PAH: variants seen among roughly 807,000 people sequenced by gnomAD.
The protein encoded by PAH is phenylalanine-4-hydroxylase.
Under a neutral mutation model 62.0 loss-of-function variants are expected in PAH, and 64 were observed. That is an observed-to-expected ratio of 1.03 (90% CI 0.84 to 1.27). The LOEUF is 1.27. Among genes scored for constraint, PAH ranks in the 50% most tolerant of loss-of-function variants. The pLI, the probability that PAH is intolerant of heterozygous loss-of-function variation, is 0.00. For synonymous variants in PAH, 195 were observed against 196.2 expected, an observed-to-expected ratio of 0.99 and a Z score of 0.05; for missense variants, 579 against 542.8, an observed-to-expected ratio of 1.07 and a Z score of -0.66.
intron 5 of PAH, among the ~76,000 whole-genome samples, chr12:102,860,504 C>CA (rs368784545): frequency 0.64 from 97,242 of 151,164 alleles, 32,685 homozygotes; most frequent in African/African-American, 0.79. Context: ...CATATGGAAC[C>CA]AAAAATAGCC....
chr12:102,864,840 C>T (rs1185432131), intron 5 of PAH, among the ~76,000 whole-genome samples: 3 of 149,038 alleles, frequency 2.0e-5, no homozygotes, highest in Non-Finnish European at 4.4e-5. Context: ...TATATCAGAC[C>T]CTGAAGTAAG....
chr12:102,874,850 G>GCTTTGGAGGA (rs1364508397), intron 4 of PAH, among the ~76,000 whole-genome samples: 1 of 152,220 alleles, frequency 6.6e-6, no homozygotes, highest in African/African-American at 2.4e-5. Flanking sequence ...CAAAGTGACT[G>GCTTTGGAGGA]CTTTGGAGGA....
Position 102,857,844 on chromosome 12 carries a change from C to G in PAH, c.510-2512G>C, listed in dbSNP as rs1875512819. Among the ~76,000 whole-genome samples, 3 of 152,186 alleles carry G rather than the reference C, an allele frequency of 2.0e-5. No individual in the cohort carries two copies. In the South Asian group the frequency reaches 6.2e-4, roughly 32 times the overall value. On this transcript the variant is annotated intron_variant, in intron 5 of 12. Coordinates refer to ENST00000553106, the MANE Select transcript of PAH (RefSeq NM_000277.3). ...AGGAAGCACTAAACATGGAAAGGAA[C>G]AACTGGTACCAGCCACTGCAAAAAC...
chr12:102,846,776 C>T, intron 9 of PAH, 119 bp downstream of exon 9: 1 of 797,994 alleles, frequency 1.3e-6, no homozygotes, highest in Non-Finnish European at 2.2e-6. Flanking sequence ...ATGTAACCCA[C>T]CACATTCTGA....
upstream of PAH, among the ~76,000 whole-genome samples, chr12:102,921,263 A>C (rs1878545401): frequency 6.6e-6 from 1 of 152,182 alleles, no homozygotes; most frequent in African/African-American, 2.4e-5. Context: ...TTTCTCTCAT[A>C]ACTCATGAGT....
In PAH at chr12:102,864,212, A is replaced by G. The variant is rs188792906; in HGVS notation, c.509+2384T>C. 2.1e-3 allele frequency among the ~76,000 whole-genome samples: 318 copies of G among 152,286 alleles called. 2 individuals carry two copies. Among genetic ancestry groups the G allele is most frequent in the African/African-American group, 7.2e-3 (301 of 41,566 alleles). On this transcript the variant is annotated intron_variant, in intron 5 of 12. Coordinates refer to ENST00000553106, the MANE Select transcript of PAH (RefSeq NM_000277.3). ...GGTTTCAATTTTACATAGGGTGTAG[A>G]GAGGGCATGGCTGAGAAGGTGACAT...
At chr12:102,854,952 T>C (rs1296765668) in intron 6 of PAH, 184 bp downstream of exon 6, 1 of 674,662 alleles carries the variant, frequency 1.5e-6, no homozygotes, top group Non-Finnish European at 2.7e-6. Context: ...ATAAACACAG[T>C]AGGGGCTGGA....
chr12:102,947,630 T>A (rs780971538), intron 1 of PAH, among the ~76,000 whole-genome samples: 26 of 151,724 alleles, frequency 1.7e-4, no homozygotes, highest in Non-Finnish European at 2.4e-4. Flanking sequence ...GAGGAGAGAA[T>A]CTCAAGAAGA....
Position 102,873,575 on chromosome 12 carries a change from A to T in PAH, c.441+3887T>A, listed in dbSNP as rs1004708209. 7.1e-4 allele frequency among the ~76,000 whole-genome samples: 108 copies of T among 152,228 alleles called. 3 individuals are homozygous for T. Among genetic ancestry groups the T allele is most frequent in the Non-Finnish European group, 2.8e-4 (19 of 68,042 alleles). ...AGACTCAGATCTTCCTCTTTCTAGAAGTCCTCCCTAACCATTCCAGTACAC... is the reference window on the plus strand; with the variant it reads ...AGACTCAGATCTTCCTCTTTCTAGATGTCCTCCCTAACCATTCCAGTACAC... On this transcript the variant is annotated intron_variant, in intron 4 of 12. Transcript: ENST00000553106.
intron 1 of PAH, chr12:102,946,126 T>G (rs1360210469): frequency 6.6e-6 from 1 of 152,228 alleles, no homozygotes; most frequent in African/African-American, 2.4e-5. Flanking sequence ...GAGCTGATAT[T>G]CAAGTTGCAA....
chr12:102,926,893 G>A (rs2136744126), intron 1 of PAH, among the ~76,000 whole-genome samples: 1 of 148,194 alleles, frequency 6.7e-6, no homozygotes, highest in South Asian at 2.2e-4. Flanking sequence ...TCAGTGACAT[G>A]ATGTTGGTAG....
chr12:102,842,993 A>G (rs1874657190), intron 11 of PAH, among the ~76,000 whole-genome samples: 1 of 152,180 alleles, frequency 6.6e-6, no homozygotes, highest in Non-Finnish European at 1.5e-5. Context: ...CAGAGGGCCA[A>G]CAGTCTCAGA....
At position 102,843,777 on chromosome 12, in the gene PAH, G is replaced by T. The variant is rs62516095; in HGVS notation, c.1068C>A (p.Tyr356Ter). The change falls in exon 11 of 13, where the codon TAC becomes TAA. Residue 356 changes from tyrosine to a stop codon, truncating the protein, a stop_gained and splice_region_variant. Coordinates refer to ENST00000553106, the MANE Select transcript of PAH (RefSeq NM_000277.3). LOFTEE classifies it high-confidence loss of function. ...GAAGCTTTGGCTTCTCTGATAAGCA[G>T]TACTGTAGGCCCCAAGTGAAAAGTT... is the stretch of plus-strand genomic sequence containing the variant. ...GLLSSFGELQ[Y>*]CLSEKPKLLP... 3.1e-6 allele frequency: 5 copies of T among 1,613,624 alleles called. No individual in the cohort carries two copies. In the East Asian group the frequency reaches 1.1e-4, roughly 36 times the overall value.
intron 4 of PAH, 138 bp downstream of exon 4, chr12:102,877,324 C>T (rs747888889): frequency 5.5e-5 from 42 of 764,004 alleles, no homozygotes; most frequent in Non-Finnish European, 9.2e-5. Flanking sequence ...TTTCCCAGCC[C>T]TCGTGTAAAT....
intron 3 of PAH, among the ~76,000 whole-genome samples, chr12:102,882,677 A>AT (rs1461425878): frequency 0.095 from 4,274 of 45,048 alleles, 83 homozygotes; most frequent in East Asian, 0.22. Context: ...TATATATATA[A>AT]AATTTTTTTC....
intron 1 of PAH, among the ~76,000 whole-genome samples, chr12:102,929,807 T>C (rs1878796978): frequency 6.6e-6 from 1 of 152,158 alleles, no homozygotes; most frequent in Non-Finnish European, 1.5e-5. Flanking sequence ...TCAGTTTAGA[T>C]ATGAGCCAGC....
chr12:102,850,384 GT>G (rs1429164321), intron 8 of PAH, among the ~76,000 whole-genome samples: 1 of 152,074 alleles, frequency 6.6e-6, no homozygotes, highest in African/African-American at 2.4e-5. Context: ...CCACTTTTTT[GT>G]TTGTTTGTTT....
chr12:102,957,418 G>T lies in PAH; in HGVS notation c.-96+777C>A, dbSNP rs1879949512. Among the ~76,000 whole-genome samples, 1 of 151,940 alleles carries T rather than the reference G, an allele frequency of 6.6e-6. No individual in the cohort carries two copies. Among genetic ancestry groups the T allele is most frequent in the African/African-American group, 2.4e-5 (1 of 41,372 alleles). The stretch of plus-strand genomic sequence containing the variant: ...TTATTCAGCCGGGAGTCCGGCACGC[G>T]CCAGGCGCACGCACTGCAACAACAA... On this transcript the variant is annotated intron_variant, in intron 1 of 4. Transcript: ENST00000551337. This position sits in a 1 kb window ranked among gnomAD's most constrained non-coding sequence, Gnocchi z 4.1.
chr12:102,864,649 T>C (rs1013514612), intron 5 of PAH, among the ~76,000 whole-genome samples: 1 of 152,152 alleles, frequency 6.6e-6, no homozygotes, highest in Non-Finnish European at 1.5e-5. Context: ...AGTGTTGCCT[T>C]CTTTGACCTC....
Sources: allele counts gnomAD v4.1 joint callset (sites outside exome capture counted in the v4.1 genomes callset), GRCh38; gene constraint gnomAD v4.1.1; non-coding constraint Gnocchi (gnomAD v3.1); transcripts MANE v1.5; gene names NCBI Gene and HGNC (gene_info 2026-07-23, HGNC 2026-07-21).